Variants in CDH4 observed in about 807,000 individuals in gnomAD.
The protein encoded by CDH4 is cadherin-4.
In CDH4, 33 loss-of-function variants were observed where a neutral mutation model predicts 86.0. That is an observed-to-expected ratio of 0.38 (90% CI 0.29 to 0.51). The LOEUF is 0.51. Ranked by LOEUF, CDH4 falls within the 20% of genes least tolerant of loss-of-function variation. The pLI is 0.86. For missense variants in CDH4, 1,114 were observed against 1,307.4 expected (o/e 0.85, Z 2.28); for synonymous variants, 555 against 549.4 (o/e 1.01, Z -0.14).
chr20:61,885,462 G>A (rs1984501212), intron 7 of CDH4, among the ~76,000 whole-genome samples: 1 of 152,188 alleles, frequency 6.6e-6, no homozygotes, highest in South Asian at 2.1e-4. Context: ...TCGTGTCTGC[G>A]TTTCATGCCT....
intron 9 of CDH4, among the ~76,000 whole-genome samples, chr20:61,923,120 G>T: frequency 6.6e-6 from 1 of 152,350 alleles, no homozygotes; most frequent in South Asian, 2.1e-4. Flanking sequence ...AGGTAGGGAC[G>T]GGGTTACCAG....
intron 7 of CDH4, among the ~76,000 whole-genome samples, chr20:61,888,671 TG>T (rs1295692761): frequency 6.6e-6 from 1 of 152,246 alleles, no homozygotes; most frequent in East Asian, 1.9e-4. Flanking sequence ...CCAGCTCTGC[TG>T]TTTCCATGAT....
intron 4 of CDH4, among the ~76,000 whole-genome samples, chr20:61,789,188 C>T (rs1188507850): frequency 4.6e-5 from 7 of 152,148 alleles, no homozygotes; most frequent in East Asian, 3.9e-4. Flanking sequence ...CGTAGAGGCC[C>T]GAGATGGCCT....
intron 7 of CDH4, among the ~76,000 whole-genome samples, chr20:61,892,065 CATAG>C (rs1421019682): frequency 6.6e-6 from 1 of 152,168 alleles, no homozygotes; most frequent in Admixed American, 6.5e-5. Flanking sequence ...TGAAAGCAGC[CATAG>C]ATAATGTGTC....
chr20:61,573,373 A>T (rs377766336), intron 2 of CDH4, among the ~76,000 whole-genome samples: 2 of 152,220 alleles, frequency 1.3e-5, no homozygotes, highest in South Asian at 4.1e-4. Flanking sequence ...CTCATTTCAG[A>T]AACACAAGTT....
intron 2 of CDH4, among the ~76,000 whole-genome samples, chr20:61,666,865 A>G (rs1032192778): frequency 6.6e-6 from 1 of 152,224 alleles, no homozygotes; most frequent in Non-Finnish European, 1.5e-5. Context: ...GTCTGGGCCC[A>G]GCTTCCGCTT....
chr20:61,771,668 A>G (rs1308285120), intron 3 of CDH4, among the ~76,000 whole-genome samples: 1 of 151,106 alleles, frequency 6.6e-6, no homozygotes, highest in African/African-American at 2.4e-5. Context: ...TTGATGCTGT[A>G]TGTATGCTTT....
At chr20:61,335,243 A>C (rs4239687) in intron 2 of CDH4, among the ~76,000 whole-genome samples, 35,445 of 152,166 alleles carry the variant, frequency 0.23, 4,430 homozygotes, top group African/African-American at 0.34. Flanking sequence ...TGTGTTCAAC[A>C]TAACAGGTAA....
At chr20:61,485,316 G>C (rs1417540567) in intron 2 of CDH4, among the ~76,000 whole-genome samples, 1 of 152,136 alleles carries the variant, frequency 6.6e-6, no homozygotes, top group Non-Finnish European at 1.5e-5. Context: ...ATTTGGGGTG[G>C]CTATTGTGGA....
chr20:61,386,566 C>T (rs1466108839), intron 2 of CDH4, among the ~76,000 whole-genome samples: 7 of 152,192 alleles, frequency 4.6e-5, no homozygotes, highest in Non-Finnish European at 1.0e-4. Flanking sequence ...AAGATGGAGG[C>T]GGTTTGGCAC....
At chr20:61,923,318 G>A (rs906076510) in intron 9 of CDH4, 133 bp from the exon 10 acceptor site, 16 of 898,962 alleles carry the variant, frequency 1.8e-5, no homozygotes, top group Admixed American at 1.5e-4. Context: ...GGGCCTCCTG[G>A]CTAAAGAGCA....
chr20:61,541,260 C>A (rs534149968), intron 2 of CDH4, among the ~76,000 whole-genome samples: 1 of 152,174 alleles, frequency 6.6e-6, no homozygotes, highest in Non-Finnish European at 1.5e-5. Context: ...CGTGCATTAA[C>A]GTGCGGAGAA....
At chr20:61,611,203 C>A (rs983736592) in intron 2 of CDH4, among the ~76,000 whole-genome samples, 1 of 151,984 alleles carries the variant, frequency 6.6e-6, no homozygotes, top group South Asian at 2.1e-4. Context: ...CCAGCCCCAG[C>A]CCCTTTCCTT....
chr20:61,629,581 C>T (rs969288266), intron 2 of CDH4, among the ~76,000 whole-genome samples: 2 of 152,134 alleles, frequency 1.3e-5, no homozygotes, highest in South Asian at 2.1e-4. Flanking sequence ...GAGACAGCTG[C>T]GAACTTGGAC....
At chr20:61,825,474 A>C (rs771324778) in intron 4 of CDH4, among the ~76,000 whole-genome samples, 1 of 152,152 alleles carries the variant, frequency 6.6e-6, no homozygotes, top group Non-Finnish European at 1.5e-5. Context: ...CCCCAACACC[A>C]AGCTCACTCC....
chr20:61,587,869 C>T (rs1234393466), intron 2 of CDH4, among the ~76,000 whole-genome samples: 2 of 152,112 alleles, frequency 1.3e-5, no homozygotes, highest in African/African-American at 2.4e-5. Context: ...ACAGTTCAAG[C>T]GATAATCCCC....
intron 2 of CDH4, among the ~76,000 whole-genome samples, chr20:61,735,616 C>T (rs1221241174): frequency 2.0e-5 from 3 of 152,198 alleles, no homozygotes; most frequent in Non-Finnish European, 1.5e-5. Flanking sequence ...ACTGCGGGGA[C>T]TGAGGCCACA....
chr20:61,724,031 G>T (rs1347452411), intron 2 of CDH4, among the ~76,000 whole-genome samples: 11 of 142,540 alleles, frequency 7.7e-5, no homozygotes, highest in Non-Finnish European at 1.4e-4. Context: ...ATGTGGCAGG[G>T]GGGTAGGTCC....
chr20:61,570,726 G>T, intron 2 of CDH4: 1 of 702,370 alleles, frequency 1.4e-6, no homozygotes, highest in Admixed American at 2.0e-5. Flanking sequence ...CTTCACGGAG[G>T]CAGGGAAAAT....
Sources: allele counts gnomAD v4.1 joint callset (sites outside exome capture counted in the v4.1 genomes callset), GRCh38; gene constraint gnomAD v4.1.1; transcripts MANE v1.5; gene names NCBI Gene and HGNC (gene_info 2026-07-23, HGNC 2026-07-21).